Variants in ENOX1 observed in about 807,000 individuals in gnomAD.
The protein encoded by ENOX1 is ecto-NOX disulfide-thiol exchanger 1.
In ENOX1, 42 loss-of-function variants were observed where a neutral mutation model predicts 82.5. The ratio of observed to expected loss-of-function variants is 0.51; its 90% CI spans 0.40 to 0.66. ENOX1 has a LOEUF of 0.66. ENOX1 is among the 30% of genes least tolerant of loss of function. ENOX1 has a pLI of 0.00. For synonymous variants in ENOX1, 271 were observed against 282.2 expected (o/e 0.96, Z 0.40); for missense variants, 608 against 811.6 (o/e 0.75, Z 3.05).
intron 12 of ENOX1, among the ~76,000 whole-genome samples, chr13:43,279,821 G>A (rs115055564): frequency 6.6e-6 from 1 of 152,180 alleles, no homozygotes; most frequent in Non-Finnish European, 1.5e-5. Context: ...AGAGAGAAAG[G>A]TCGGTTGTTC....
intron 1 of ENOX1, among the ~76,000 whole-genome samples, chr13:43,741,229 C>A (rs561129143): frequency 6.6e-6 from 1 of 152,164 alleles, no homozygotes; most frequent in Non-Finnish European, 1.5e-5. Flanking sequence ...GGATCACAGG[C>A]ACATGCCACC....
intron 1 of ENOX1, among the ~76,000 whole-genome samples, chr13:43,769,318 CCCA>C (rs1951458842): frequency 6.6e-6 from 1 of 152,144 alleles, no homozygotes; most frequent in African/African-American, 2.4e-5. Flanking sequence ...CCACTGGGTC[CCCA>C]CAAGTGTGCC....
chr13:43,532,087 A>T (rs951125808), intron 2 of ENOX1, among the ~76,000 whole-genome samples: 4 of 151,972 alleles, frequency 2.6e-5, no homozygotes, highest in Non-Finnish European at 5.9e-5. Flanking sequence ...AATAAAATTT[A>T]AAAAAAGAAA....
chr13:43,306,972 G>A (rs1304822510), intron 11 of ENOX1, among the ~76,000 whole-genome samples: 1 of 152,214 alleles, frequency 6.6e-6, no homozygotes, highest in African/African-American at 2.4e-5. Flanking sequence ...TCTTTGCAAG[G>A]AGTAGCATCT....
chr13:43,494,245 G>A (rs1340587465), intron 2 of ENOX1, among the ~76,000 whole-genome samples: 1 of 152,008 alleles, frequency 6.6e-6, no homozygotes, highest in African/African-American at 2.4e-5. Context: ...TAACTAATAC[G>A]AAGACCCACA....
At chr13:43,581,981 C>A (rs1303070513) in intron 2 of ENOX1, among the ~76,000 whole-genome samples, 1 of 152,078 alleles carries the variant, frequency 6.6e-6, no homozygotes, top group African/African-American at 2.4e-5. Context: ...CATATCTGCA[C>A]CCTGGAAACA....
chr13:43,411,391 T>C (rs897333279), intron 5 of ENOX1, among the ~76,000 whole-genome samples: 13 of 152,178 alleles, frequency 8.5e-5, no homozygotes, highest in African/African-American at 2.2e-4. Flanking sequence ...AATGCATGCA[T>C]TGTATTAGGA....
intron 1 of ENOX1, among the ~76,000 whole-genome samples, chr13:43,693,753 G>A (rs556328375): frequency 5.3e-5 from 8 of 152,112 alleles, no homozygotes; most frequent in Admixed American, 3.3e-4. Flanking sequence ...GTTCTCATAT[G>A]AACAATAATC....
At chr13:43,571,826 T>C (rs2080194918) in intron 2 of ENOX1, among the ~76,000 whole-genome samples, 1 of 152,142 alleles carries the variant, frequency 6.6e-6, no homozygotes, top group Non-Finnish European at 1.5e-5. Flanking sequence ...AATCTTTAAG[T>C]CCTTCCCAGC....
At chr13:43,291,116 G>C (rs2045975514) in intron 12 of ENOX1, among the ~76,000 whole-genome samples, 1 of 152,142 alleles carries the variant, frequency 6.6e-6, no homozygotes, top group Non-Finnish European at 1.5e-5. Context: ...TCTTTTAAAG[G>C]GGTTTCTCTT....
At chr13:43,443,825 A>G (rs757024609) in intron 3 of ENOX1, among the ~76,000 whole-genome samples, 3 of 152,214 alleles carry the variant, frequency 2.0e-5, no homozygotes, top group Non-Finnish European at 4.4e-5. Flanking sequence ...CAAGTGAAGA[A>G]AAAACAATTA....
chr13:43,611,651 C>T (rs920463369), intron 2 of ENOX1, among the ~76,000 whole-genome samples: 1 of 152,210 alleles, frequency 6.6e-6, no homozygotes, highest in Non-Finnish European at 1.5e-5. Flanking sequence ...GTAATTTCAA[C>T]AGAGCCAGTT....
intron 2 of ENOX1, among the ~76,000 whole-genome samples, chr13:43,563,348 T>C (rs936602466): frequency 2.2e-4 from 34 of 151,882 alleles, no homozygotes; most frequent in African/African-American, 8.2e-4. Context: ...CAAATGATAA[T>C]AGAAACACAA....
At chr13:43,525,508 C>G (rs1410585122) in intron 2 of ENOX1, among the ~76,000 whole-genome samples, 4 of 152,146 alleles carry the variant, frequency 2.6e-5, no homozygotes, top group Non-Finnish European at 5.9e-5. Context: ...AAAAGTAGAA[C>G]TGCTGGATCA....
At chr13:43,494,371 C>G (rs866622326) in intron 2 of ENOX1, among the ~76,000 whole-genome samples, 5 of 152,156 alleles carry the variant, frequency 3.3e-5, no homozygotes, top group African/African-American at 9.7e-5. Context: ...AGACCACGTA[C>G]ATCATGTTTG....
intron 14 of ENOX1, among the ~76,000 whole-genome samples, chr13:43,254,760 A>G (rs1256548496): frequency 6.6e-6 from 1 of 152,216 alleles, no homozygotes. Context: ...ATGAATAACT[A>G]TATACTAACA....
intron 12 of ENOX1, among the ~76,000 whole-genome samples, chr13:43,291,892 C>T (rs1418987747): frequency 2.0e-5 from 3 of 152,194 alleles, no homozygotes; most frequent in Admixed American, 6.5e-5. Flanking sequence ...GGGATCCCCA[C>T]ATCTCCTTAA....
intron 11 of ENOX1, among the ~76,000 whole-genome samples, chr13:43,318,292 T>G (rs751635911): frequency 6.6e-6 from 1 of 152,228 alleles, no homozygotes; most frequent in East Asian, 1.9e-4. Flanking sequence ...ATGTTCATTT[T>G]GGTTTATAAT....
intron 5 of ENOX1, among the ~76,000 whole-genome samples, chr13:43,386,170 AC>A (rs1279473750): frequency 6.6e-6 from 1 of 152,176 alleles, no homozygotes; most frequent in Non-Finnish European, 1.5e-5. Flanking sequence ...TGTCTCAAAA[AC>A]AAAACAAACA....
Sources: gnomAD v4.1 joint callset for allele counts (sites outside exome capture counted in the v4.1 genomes callset) on GRCh38, gnomAD v4.1.1 for gene constraint, MANE v1.5 for transcripts, NCBI Gene and HGNC (gene_info 2026-07-23, HGNC 2026-07-21) for gene names.